CTNNA2: variants seen among roughly 807,000 people sequenced by gnomAD.
CTNNA2 encodes catenin alpha-2.
In CTNNA2, 42 loss-of-function variants were observed where a neutral mutation model predicts 101.0. The ratio of observed to expected loss-of-function variants is 0.42; its 90% CI spans 0.32 to 0.54. CTNNA2 has a LOEUF of 0.54. Ranked by LOEUF, CTNNA2 falls within the 20% of genes least tolerant of loss-of-function variation. The probability of loss-of-function intolerance (pLI) is 0.14; values close to 1 mark genes in which losing one functional copy is unlikely to be tolerated. For synonymous variants in CTNNA2, 450 were observed against 456.4 expected, an observed-to-expected ratio of 0.99 and a Z score of 0.18; for missense variants, 871 against 1,223.1, an observed-to-expected ratio of 0.71 and a Z score of 4.29.
At chr2:79,424,156 G>T (rs1678568882) in intron 4 of CTNNA2, among the ~76,000 whole-genome samples, 1 of 152,098 alleles carries the variant, frequency 6.6e-6, no homozygotes, top group African/African-American at 2.4e-5. Flanking sequence ...AGGGAGAATT[G>T]TGAGACCAAC....
chr2:79,291,522 C>A (rs1474529951), intron 2 of CTNNA2, among the ~76,000 whole-genome samples: 1 of 152,176 alleles, frequency 6.6e-6, no homozygotes, highest in African/African-American at 2.4e-5. Flanking sequence ...CCCTGTTCTT[C>A]CTTTCTTTCA....
intron 4 of CTNNA2, among the ~76,000 whole-genome samples, chr2:79,495,162 G>A (rs1263278234): frequency 1.3e-5 from 2 of 152,022 alleles, no homozygotes; most frequent in African/African-American, 2.4e-5. Flanking sequence ...CGCTGCAAAT[G>A]ACACCATAGA....
chr2:80,290,189 C>A (rs1308834402), intron 7 of CTNNA2, among the ~76,000 whole-genome samples: 1 of 152,164 alleles, frequency 6.6e-6, no homozygotes, highest in East Asian at 1.9e-4. Context: ...TCTAAGCCAG[C>A]AAATGGCAGA....
chr2:79,421,839 C>T (rs1678543119), intron 4 of CTNNA2, among the ~76,000 whole-genome samples: 1 of 152,066 alleles, frequency 6.6e-6, no homozygotes, highest in Non-Finnish European at 1.5e-5. Flanking sequence ...ACAATATATA[C>T]GTAATTTTTT....
chr2:79,837,420 A>G (rs1679459785), intron 3 of CTNNA2, among the ~76,000 whole-genome samples: 1 of 152,142 alleles, frequency 6.6e-6, no homozygotes, highest in Non-Finnish European at 1.5e-5. Context: ...TCCTAACTCA[A>G]ATGTTAATCT....
intron 3 of CTNNA2, among the ~76,000 whole-genome samples, chr2:79,824,916 C>A (rs1678298517): frequency 2.0e-5 from 3 of 152,062 alleles, no homozygotes; most frequent in African/African-American, 7.2e-5. Flanking sequence ...TAGTGCCAGG[C>A]ATAGTAGTTC....
chr2:79,799,755 C>T (rs1285391771), intron 3 of CTNNA2, among the ~76,000 whole-genome samples: 1 of 152,190 alleles, frequency 6.6e-6, no homozygotes. Context: ...ATATTCCTTT[C>T]ATTCTTTAAA....
At position 79,976,837 on chromosome 2, in the gene CTNNA2, C is replaced by A. The variant is rs190607368; in HGVS notation, c.1056+67040C>A. 4.4e-4 allele frequency among the ~76,000 whole-genome samples: 67 copies of A among 152,276 alleles called. No homozygotes were observed. In the East Asian group the frequency reaches 0.011, roughly 26 times the overall value. On this transcript the variant is annotated intron_variant, in intron 7 of 18. Coordinates refer to ENST00000402739, the MANE Select transcript of CTNNA2 (RefSeq NM_001282597.3). ...ACAGCCACGATAATGCAGAGAACAG[C>A]AATCATACTTGCCCTCTTAAAGAAA...
At chr2:79,401,411 G>A (rs964821297) in intron 4 of CTNNA2, among the ~76,000 whole-genome samples, 2 of 151,458 alleles carry the variant, frequency 1.3e-5, no homozygotes, top group Non-Finnish European at 3.0e-5. Flanking sequence ...TGTCAATTAT[G>A]TAAAAGGGCT....
chr2:80,220,823 G>A (rs1449800515), intron 7 of CTNNA2, among the ~76,000 whole-genome samples: 1 of 152,096 alleles, frequency 6.6e-6, no homozygotes, highest in Admixed American at 6.6e-5. Flanking sequence ...TAAGCTTTAG[G>A]ACCTTAAGGG....
intron 9 of CTNNA2, among the ~76,000 whole-genome samples, chr2:80,536,750 A>G (rs980054468): frequency 2.0e-5 from 3 of 152,146 alleles, no homozygotes; most frequent in Non-Finnish European, 4.4e-5. Context: ...TTTTCTTGTG[A>G]GTGTTCAAAC....
intron 7 of CTNNA2, among the ~76,000 whole-genome samples, chr2:80,254,921 C>T (rs946491092): frequency 6.6e-6 from 1 of 152,066 alleles, no homozygotes; most frequent in Non-Finnish European, 1.5e-5. Context: ...ACTGGGTGCT[C>T]TCACTCTCCC....
chr2:79,847,857 T>G (rs1433703124), intron 3 of CTNNA2, among the ~76,000 whole-genome samples: 1 of 152,200 alleles, frequency 6.6e-6, no homozygotes, highest in Non-Finnish European at 1.5e-5. Flanking sequence ...GCATGTTTGA[T>G]GCTCGCGTTA....
At chr2:80,075,971 A>T (rs1698721431) in intron 7 of CTNNA2, among the ~76,000 whole-genome samples, 1 of 151,830 alleles carries the variant, frequency 6.6e-6, no homozygotes, top group African/African-American at 2.4e-5. Context: ...AGTGCTAGGT[A>T]GTTTAAGGAC....
At chr2:79,203,712 G>A (rs1382452183) in intron 2 of CTNNA2, among the ~76,000 whole-genome samples, 1 of 152,184 alleles carries the variant, frequency 6.6e-6, no homozygotes, top group Non-Finnish European at 1.5e-5. Flanking sequence ...AGTCTTCAGG[G>A]CCGCCTTTTC....
chr2:79,322,272 T>C (rs1676643571), intron 3 of CTNNA2, among the ~76,000 whole-genome samples: 1 of 152,192 alleles, frequency 6.6e-6, no homozygotes, highest in Non-Finnish European at 1.5e-5. Context: ...TCTTAGGTGA[T>C]ATAGACTGCG....
intron 3 of CTNNA2, 123 bp downstream of exon 3, chr2:79,744,705 A>G: frequency 2.2e-6 from 2 of 911,306 alleles, no homozygotes; most frequent in Non-Finnish European, 3.2e-6. Flanking sequence ...CTTTCTATCT[A>G]CACTTGTCAT....
At chr2:79,723,064 A>C (rs1686589861) in intron 2 of CTNNA2, among the ~76,000 whole-genome samples, 1 of 152,218 alleles carries the variant, frequency 6.6e-6, no homozygotes, top group South Asian at 2.1e-4. Context: ...AAGATTTATA[A>C]AAATACTTTA....
intron 16 of CTNNA2, among the ~76,000 whole-genome samples, chr2:80,604,896 A>C (rs1455095422): frequency 6.6e-6 from 1 of 151,958 alleles, no homozygotes; most frequent in Non-Finnish European, 1.5e-5. Context: ...CAGGTTGCAG[A>C]ATCTGGGAGA....
Sources: gnomAD v4.1 joint callset for allele counts (sites outside exome capture counted in the v4.1 genomes callset) on GRCh38, gnomAD v4.1.1 for gene constraint, MANE v1.5 for transcripts, NCBI Gene and HGNC (gene_info 2026-07-23, HGNC 2026-07-21) for gene names.